ZNF525: variants seen among roughly 807,000 people sequenced by gnomAD.
The protein encoded by ZNF525 is zinc finger protein 525.
In ZNF525, 33 loss-of-function variants were observed where a neutral mutation model predicts 37.6. That is an observed-to-expected ratio of 0.88 (90% CI 0.67 to 1.17). The LOEUF is 1.17. ZNF525 is among the 50% of genes most tolerant of loss of function. The pLI, the probability that ZNF525 is intolerant of heterozygous loss-of-function variation, is 0.00. For synonymous variants in ZNF525, 170 were observed against 182.3 expected (o/e 0.93, Z 0.54); for missense variants, 449 against 543.1 (o/e 0.83, Z 1.72).
intron 2 of ZNF525, among the ~76,000 whole-genome samples, chr19:53,375,323 G>A (rs1357185546): frequency 6.6e-6 from 1 of 152,102 alleles, no homozygotes; most frequent in Non-Finnish European, 1.5e-5. Context: ...GCCCAGAATT[G>A]GGCCTGCAAT....
In ZNF525 at chr19:53,381,563, G is replaced by C. The variant is rs1317621618; in HGVS notation, c.984G>C (p.Lys328Asn). ...RRIHTGEKPH[K>N]CNECGKTFSQ... ...TTCATACTGGAGAGAAACCACATAA[G>C]TGTAATGAGTGTGGCAAGACCTTTA... The change falls in exon 4 of 4, where the codon AAG becomes AAC. Residue 328 changes from lysine (K) to asparagine (N), a missense_variant. By Grantham distance (94) the Lys-to-Asn change is moderately conservative (BLOSUM62 0). This residue lies in a region of ZNF525 where 178 missense variants were observed against 161.5 expected (regional missense o/e 1.10). Transcript: ENST00000474037. 1.7e-6 allele frequency: 2 copies of C among 1,169,504 alleles called. No individual in the cohort carries two copies. The highest frequency in any genetic ancestry group is 2.6e-6 in the Non-Finnish European group (2 of 773,806). The allele number at this position is 1,169,504 out of a possible 1,614,324, so 72.4% of individuals were successfully genotyped here. A position where few individuals can be genotyped will look rare whatever the true frequency, so the allele number is the denominator to read the frequency against.
At position 53,381,599 on chromosome 19, in the gene ZNF525, A is replaced by G. The variant is rs2085563995; in HGVS notation, c.1020A>G (p.Ser340=). ...GTGGCAAGACCTTTAGTCAGAAGTC[A>G]TACCTTGCATGCCATCGTAGCATTC... ...NECGKTFSQK[S]YLACHRSIHT... The change falls in exon 4 of 4, where the codon TCA becomes TCG. Residue 340 remains serine (S), a synonymous_variant. Coordinates refer to ENST00000474037, the MANE Select transcript of ZNF525 (RefSeq NM_001348156.2). The G allele has an allele frequency of 9.0e-7, 1 of 1,112,022 alleles. No individual in the cohort carries two copies. The allele number at this position is 1,112,022 out of a possible 1,614,324, so 68.9% of individuals were successfully genotyped here.
chr19:53,376,889 G>T (rs956394478), intron 3 of ZNF525, among the ~76,000 whole-genome samples: 1 of 152,156 alleles, frequency 6.6e-6, no homozygotes, highest in African/African-American at 2.4e-5. Flanking sequence ...AGAGTCACTT[G>T]AACCCTGGAG....
At position 53,382,894 on chromosome 19, in the gene ZNF525, A is replaced by G; in HGVS notation, c.*875A>G. On this transcript the variant is annotated 3_prime_UTR_variant, in exon 4 of 4. Coordinates refer to ENST00000474037, the MANE Select transcript of ZNF525 (RefSeq NM_001348156.2). ...ATAGGAGAATTCATACTAGAGAGAAACCTTACAAGTGTAATGAGTGTGGTA... is the reference window on the plus strand; with the variant it reads ...ATAGGAGAATTCATACTAGAGAGAAGCCTTACAAGTGTAATGAGTGTGGTA... The G allele has an allele frequency of 7.0e-7, 1 of 1,430,088 alleles. No individual in the cohort carries two copies. The highest frequency in any genetic ancestry group is 9.8e-7 in the Non-Finnish European group (1 of 1,021,168). 88.6% of individuals were successfully genotyped at this position (1,430,088 alleles called of 1,614,324 possible). A position where few individuals can be genotyped will look rare whatever the true frequency, so the allele number is the denominator to read the frequency against.
At chr19:53,372,783 C>A (rs1398058378) in intron 2 of ZNF525, among the ~76,000 whole-genome samples, 1 of 152,146 alleles carries the variant, frequency 6.6e-6, no homozygotes, top group African/African-American at 2.4e-5. Flanking sequence ...TTTCTGACTC[C>A]AAAATCTTAG....
rs772476997 is a variant in ZNF525 at position 53,381,596 on chromosome 19, G to C, written c.1017G>C (p.Lys339Asn). Residue 339 changes from lysine to asparagine, a missense_variant, in exon 4 of 4, where the codon AAG becomes AAC. By Grantham distance (94) the Lys-to-Asn change is moderately conservative (BLOSUM62 0). This residue lies in a region of ZNF525 where 178 missense variants were observed against 161.5 expected (regional missense o/e 1.10). Transcript: ENST00000474037. ...AGTGTGGCAAGACCTTTAGTCAGAA[G>C]TCATACCTTGCATGCCATCGTAGCA... ...CNECGKTFSQKSYLACHRSIH... is the reference protein window; with the variant it reads ...CNECGKTFSQNSYLACHRSIH... 4 of 1,118,770 alleles carry C rather than the reference G, an allele frequency of 3.6e-6. No homozygotes were observed. Among genetic ancestry groups the C allele is most frequent in the Non-Finnish European group, 5.5e-6 (4 of 727,390 alleles). The allele number at this position is 1,118,770 out of a possible 1,614,324, so 69.3% of individuals were successfully genotyped here.
chr19:53,375,980 C>T, intron 3 of ZNF525, 84 bp downstream of exon 3: 2 of 1,604,260 alleles, frequency 1.2e-6, no homozygotes, highest in Admixed American at 1.7e-5. Context: ...GTATCTCTCT[C>T]TCTGTCCCCA....
At position 53,381,771 on chromosome 19, in the gene ZNF525, C is replaced by T; in HGVS notation, c.1192C>T (p.Leu398Phe). ...CGKTFSHMST[L>F]TCHRRLHTGE... is the part of the protein sequence containing the mutation. Reference sequence around the variant, plus strand: ...CAAGACCTTCAGTCATATGTCAACCCTTACATGCCATCGTAGACTTCATAC... The same window carrying T: ...CAAGACCTTCAGTCATATGTCAACCTTTACATGCCATCGTAGACTTCATAC... The change falls in exon 4 of 4, where the codon CTT (leucine) becomes TTT (phenylalanine). Residue 398 changes from leucine (L) to phenylalanine (F), a missense_variant. This residue lies in a region of ZNF525 where 178 missense variants were observed against 161.5 expected (regional missense o/e 1.10). Coordinates refer to ENST00000474037, the MANE Select transcript of ZNF525 (RefSeq NM_001348156.2). 2 of 1,054,374 alleles carry T rather than the reference C, an allele frequency of 1.9e-6. No individual in the cohort carries two copies. The highest frequency in any genetic ancestry group is 3.0e-6 in the Non-Finnish European group (2 of 668,754). The allele number at this position is 1,054,374 out of a possible 1,614,324, so 65.3% of individuals were successfully genotyped here. A position where few individuals can be genotyped will look rare whatever the true frequency, so the allele number is the denominator to read the frequency against.
At chr19:53,380,098 T>G (rs1474467524) in intron 3 of ZNF525, among the ~76,000 whole-genome samples, 1 of 152,034 alleles carries the variant, frequency 6.6e-6, no homozygotes, top group Non-Finnish European at 1.5e-5. Flanking sequence ...GAAAAATATT[T>G]TTTTTTTTTT....
At chr19:53,375,715 G>C in intron 2 of ZNF525, 55 bp from the exon 3 acceptor site, 4 of 1,613,378 alleles carry the variant, frequency 2.5e-6, no homozygotes, top group Non-Finnish European at 3.4e-6. Flanking sequence ...CTCATTTTCT[G>C]TAAAGATAAG....
Position 53,378,184 on chromosome 19 carries a change from T to C in ZNF525, c.142+2288T>C, listed in dbSNP as rs562699462. 3.3e-5 allele frequency among the ~76,000 whole-genome samples: 5 copies of C among 151,990 alleles called. No individual in the cohort carries two copies. The East Asian group carries it at 9.7e-4, about 30-fold the overall frequency. On this transcript the variant is annotated intron_variant, in intron 3 of 3. Transcript: ENST00000474037. Reference sequence around the variant, plus strand: ...CTAAATACAAGAAATTGGCTAGGTGTAGTGGCTCAAGCCTGTAATCCCAGC... The same window carrying C: ...CTAAATACAAGAAATTGGCTAGGTGCAGTGGCTCAAGCCTGTAATCCCAGC...
At position 53,383,575 on chromosome 19, in the gene ZNF525, T is replaced by C; in HGVS notation, c.*1556T>C. Reference sequence around the variant, plus strand: ...CTGGAGAGAAACCTTACAAGTGTAATGAGTGTGTCAAAGCCTTTAGTGGGC... The same window carrying C: ...CTGGAGAGAAACCTTACAAGTGTAACGAGTGTGTCAAAGCCTTTAGTGGGC... On this transcript the variant is annotated 3_prime_UTR_variant, in exon 4 of 4. Transcript: ENST00000474037. 1.4e-6 allele frequency: 2 copies of C among 1,453,324 alleles called. No homozygotes were observed. Among genetic ancestry groups the C allele is most frequent in the Non-Finnish European group, 9.3e-7 (1 of 1,074,770 alleles). The allele number at this position is 1,453,324 out of a possible 1,614,324, so 90.0% of individuals were successfully genotyped here.
chr19:53,366,446 A>ACAGAG (rs1252063079), intron 1 of ZNF525, among the ~76,000 whole-genome samples: 1 of 152,016 alleles, frequency 6.6e-6, no homozygotes, highest in East Asian at 1.9e-4. Flanking sequence ...ACAGCAGTAG[A>ACAGAG]AAACCTGAGA....
In ZNF525 at chr19:53,386,554, C is replaced by G; in HGVS notation, c.*4535C>G. Reference sequence around the variant, plus strand: ...TATAAACGCATTGGTTGGCTGTGTTCAGTAATAAACGTGAGACTTTTCATT... The same window carrying G: ...TATAAACGCATTGGTTGGCTGTGTTGAGTAATAAACGTGAGACTTTTCATT... On this transcript the variant is annotated 3_prime_UTR_variant, in exon 4 of 4. Transcript: ENST00000474037. The G allele has an allele frequency of 2.1e-6, 1 of 467,038 alleles. No homozygotes were observed. The highest frequency in any genetic ancestry group is 3.9e-6 in the Non-Finnish European group (1 of 253,904). The allele number at this position is 467,038 out of a possible 1,614,324, so 28.9% of individuals were successfully genotyped here. A position where few individuals can be genotyped will look rare whatever the true frequency, so the allele number is the denominator to read the frequency against.
At chr19:53,373,835 A>T (rs892785035) in intron 2 of ZNF525, among the ~76,000 whole-genome samples, 1 of 150,088 alleles carries the variant, frequency 6.7e-6, no homozygotes, top group African/African-American at 2.4e-5. Context: ...AAAAAAAAAT[A>T]GTTTTTATAT....
chr19:53,367,582 A>G (rs1386944773), intron 1 of ZNF525, among the ~76,000 whole-genome samples: 1 of 152,182 alleles, frequency 6.6e-6, no homozygotes, highest in Non-Finnish European at 1.5e-5. Flanking sequence ...AACTACTCCT[A>G]TTAAGGTTTT....
chr19:53,376,083 T>C (rs2085519924), intron 3 of ZNF525, 187 bp downstream of exon 3: 2 of 1,244,564 alleles, frequency 1.6e-6, no homozygotes, highest in African/African-American at 3.0e-5. Flanking sequence ...CTCGTAGTGG[T>C]ACAGGTGCAT....
intron 3 of ZNF525, 101 bp downstream of exon 3, chr19:53,375,997 G>T: frequency 6.3e-7 from 1 of 1,590,444 alleles, no homozygotes; most frequent in Non-Finnish European, 8.5e-7. Context: ...CCCAAGGGTG[G>T]GGTGCAATGG....
At chr19:53,372,569 T>G (rs1032311358) in intron 2 of ZNF525, among the ~76,000 whole-genome samples, 2 of 152,132 alleles carry the variant, frequency 1.3e-5, no homozygotes, top group African/African-American at 2.4e-5. Flanking sequence ...GTGTCAGTGC[T>G]GTTGGGCAGC....
Sources: allele counts gnomAD v4.1 joint callset (sites outside exome capture counted in the v4.1 genomes callset), GRCh38; gene constraint gnomAD v4.1.1; regional missense constraint gnomAD v4.1.1; transcripts MANE v1.5; gene names NCBI Gene and HGNC (gene_info 2026-07-23, HGNC 2026-07-21).